SPMIP2: variants seen among roughly 807,000 people sequenced by gnomAD.
SPMIP2 encodes the protein protein SPMIP2.
chr4:158,949,509 G>T, the SPMIP2 span, among the ~76,000 whole-genome samples: 2 of 152,148 alleles, frequency 1.3e-5, no homozygotes, highest in South Asian at 4.1e-4. Flanking sequence ...GCTAAGAGGT[G>T]GTGAAGCTGG....
At chr4:159,025,410 C>T in the SPMIP2 span, among the ~76,000 whole-genome samples, 2 of 152,146 alleles carry the variant, frequency 1.3e-5, no homozygotes, top group Non-Finnish European at 2.9e-5. Context: ...AGTGATCCCC[C>T]CACCTCGGCC....
chr4:158,967,172 G>A, the SPMIP2 span, among the ~76,000 whole-genome samples: 15 of 152,146 alleles, frequency 9.9e-5, no homozygotes, highest in African/African-American at 3.6e-4. Flanking sequence ...TAAGGAAATT[G>A]TTTCCTTCAA....
At chr4:159,025,574 T>C in the SPMIP2 span, among the ~76,000 whole-genome samples, 1 of 152,140 alleles carries the variant, frequency 6.6e-6, no homozygotes, top group African/African-American at 2.4e-5. Context: ...TTTAAAAACC[T>C]GCTTATGGCT....
chr4:159,049,054 A>G, the SPMIP2 span, among the ~76,000 whole-genome samples: 1 of 152,134 alleles, frequency 6.6e-6, no homozygotes, highest in Non-Finnish European at 1.5e-5. Flanking sequence ...AAATATTACC[A>G]ATTCTGATTT....
the SPMIP2 span, among the ~76,000 whole-genome samples, chr4:158,984,545 C>T: frequency 1.3e-5 from 2 of 151,666 alleles, no homozygotes; most frequent in African/African-American, 2.4e-5. Context: ...GGGTACATAA[C>T]GAAACCAAGG....
At chr4:158,909,778 C>T in the SPMIP2 span, among the ~76,000 whole-genome samples, 1 of 152,114 alleles carries the variant, frequency 6.6e-6, no homozygotes, top group Non-Finnish European at 1.5e-5. Context: ...CGCAATGGCT[C>T]ACGCCTGTAA....
the SPMIP2 span, among the ~76,000 whole-genome samples, chr4:158,956,509 G>A: frequency 1.6e-4 from 24 of 152,340 alleles, no homozygotes; most frequent in East Asian, 4.6e-3. Context: ...GCTGCAGCGA[G>A]CGGAGATCGC....
chr4:158,949,029 C>T, the SPMIP2 span, among the ~76,000 whole-genome samples: 1 of 152,074 alleles, frequency 6.6e-6, no homozygotes, highest in African/African-American at 2.4e-5. Context: ...TTTAACTGAT[C>T]TCTTATTTTT....
chr4:158,910,487 G>A, the SPMIP2 span, among the ~76,000 whole-genome samples: 1 of 151,820 alleles, frequency 6.6e-6, no homozygotes, highest in African/African-American at 2.4e-5. Context: ...TGGTCAGGCT[G>A]GTCTTGAACT....
At chr4:158,997,825 A>G in the SPMIP2 span, among the ~76,000 whole-genome samples, 2 of 151,896 alleles carry the variant, frequency 1.3e-5, no homozygotes, top group African/African-American at 4.8e-5. Context: ...GCTAATTTTT[A>G]AAATTTTTTT....
chr4:159,060,770 A>G, the SPMIP2 span, among the ~76,000 whole-genome samples: 1 of 152,142 alleles, frequency 6.6e-6, no homozygotes, highest in South Asian at 2.1e-4. Context: ...TTAAATTACC[A>G]TTCATAGAGT....
the SPMIP2 span, among the ~76,000 whole-genome samples, chr4:159,055,875 C>T: frequency 8.5e-5 from 13 of 152,160 alleles, no homozygotes; most frequent in South Asian, 4.2e-4. Flanking sequence ...GAGGAGTGTG[C>T]GTTTTTAAAG....
chr4:158,919,299 T>C, the SPMIP2 span, among the ~76,000 whole-genome samples: 1 of 152,234 alleles, frequency 6.6e-6, no homozygotes, highest in Non-Finnish European at 1.5e-5. Flanking sequence ...AACACCCATT[T>C]TGCAAAAGAA....
the SPMIP2 span, among the ~76,000 whole-genome samples, chr4:159,012,333 T>C: frequency 5.9e-5 from 9 of 152,308 alleles, no homozygotes; most frequent in Admixed American, 1.3e-4. Flanking sequence ...AAACTTGATG[T>C]ATGAGCTACA....
At chr4:159,054,259 A>G in the SPMIP2 span, among the ~76,000 whole-genome samples, 4 of 152,180 alleles carry the variant, frequency 2.6e-5, no homozygotes, top group African/African-American at 9.7e-5. Flanking sequence ...TTGGGATTAC[A>G]AAGTGTTGGG....
At chr4:158,916,222 A>G in the SPMIP2 span, among the ~76,000 whole-genome samples, 1 of 152,232 alleles carries the variant, frequency 6.6e-6, no homozygotes, top group African/African-American at 2.4e-5. Context: ...CCCTGTTGTC[A>G]CAGAGCTTAT....
chr4:158,942,462 T>A, the SPMIP2 span, among the ~76,000 whole-genome samples: 4 of 152,104 alleles, frequency 2.6e-5, no homozygotes. Context: ...CATCGAGCAT[T>A]GTATCAGCAC....
chr4:158,896,296 A>G, the SPMIP2 span, among the ~76,000 whole-genome samples: 1 of 152,122 alleles, frequency 6.6e-6, no homozygotes, highest in African/African-American at 2.4e-5. Flanking sequence ...TCTAGGCTTG[A>G]GGAGCCTGCC....
At chr4:158,926,332 A>C in the SPMIP2 span, among the ~76,000 whole-genome samples, 1 of 151,490 alleles carries the variant, frequency 6.6e-6, no homozygotes, top group Non-Finnish European at 1.5e-5. Context: ...ATAGCTATAC[A>C]TTTCTCTCTA....
Sources: gnomAD v4.1 joint callset for allele counts (sites outside exome capture counted in the v4.1 genomes callset) on GRCh38, gnomAD v4.1.1 for gene constraint, MANE v1.5 for transcripts, NCBI Gene and HGNC (gene_info 2026-07-23, HGNC 2026-07-21) for gene names.